Variants in ZFAND3 observed in about 807,000 individuals in gnomAD.
ZFAND3 encodes zinc finger AN1-type containing 3, also known as AN1-type zinc finger protein 3.
Under a neutral mutation model 29.6 loss-of-function variants are expected in ZFAND3, and 10 were observed. The observed-to-expected ratio is 0.34, with a 90% CI of 0.21 to 0.57. The LOEUF is 0.57. Ranked by LOEUF, ZFAND3 falls within the 20% of genes least tolerant of loss-of-function variation. The probability of loss-of-function intolerance (pLI) is 0.86; values close to 1 mark genes in which losing one functional copy is unlikely to be tolerated. For missense variants in ZFAND3, 230 were observed against 304.5 expected (o/e 0.76, Z 1.82); for synonymous variants, 128 against 112.6 (o/e 1.14, Z -0.87).
intron 2 of ZFAND3, among the ~76,000 whole-genome samples, chr6:37,987,043 A>G (rs942766588): frequency 6.6e-6 from 1 of 152,238 alleles, no homozygotes; most frequent in African/African-American, 2.4e-5. Flanking sequence ...GAGAATTAAT[A>G]GCCTTGAAAA....
intron 1 of ZFAND3, among the ~76,000 whole-genome samples, chr6:37,909,470 G>A (rs1765480450): frequency 6.6e-6 from 1 of 151,614 alleles, no homozygotes; most frequent in African/African-American, 2.4e-5. Context: ...AGTAGAGTCG[G>A]GGTTTTGCCA....
At position 38,111,313 on chromosome 6, in the gene ZFAND3, G is replaced by T. The variant is rs771071443; in HGVS notation, c.362-5259G>T. Among the ~76,000 whole-genome samples the T allele has an allele frequency of 6.6e-5, 10 of 152,254 alleles. No individual in the cohort carries two copies. The East Asian group carries it at 1.5e-3, about 23-fold the overall frequency. On this transcript the variant is annotated intron_variant, in intron 4 of 5. Transcript: ENST00000287218. ...TTGGGAAAAAATGGATGATTGTGTCGTACTGAACATGTAGTTTTTTTGTCA... is the reference window on the plus strand; with the variant it reads ...TTGGGAAAAAATGGATGATTGTGTCTTACTGAACATGTAGTTTTTTTGTCA...
At position 37,819,994 on chromosome 6, in the gene ZFAND3, C is replaced by G; in HGVS notation, c.49C>G (p.Arg17Gly). ...CAGCAAAGCGCCCAGCCTGCCGCCT[C>G]GCTGTCCCTGCGGCTTCTGGGGGTA... ...ERSKAPSLPPRCPCGFWGSSK... is the reference protein window; with the variant it reads ...ERSKAPSLPPGCPCGFWGSSK... Residue 17 changes from arginine to glycine, a missense_variant, in exon 1 of 6, where the codon CGC (arginine) becomes GGC (glycine). Arg to Gly is a moderately radical substitution (Grantham distance 125). Transcript: ENST00000287218. 1 of 1,220,864 alleles carries G rather than the reference C, an allele frequency of 8.2e-7. No individual in the cohort carries two copies. Among genetic ancestry groups the G allele is most frequent in the Non-Finnish European group, 1.0e-6 (1 of 980,810 alleles). 75.6% of individuals were successfully genotyped at this position (1,220,864 alleles called of 1,614,324 possible). A position where few individuals can be genotyped will look rare whatever the true frequency, so the allele number is the denominator to read the frequency against.
intron 4 of ZFAND3, among the ~76,000 whole-genome samples, chr6:38,089,972 GC>G (rs1764831475): frequency 6.6e-6 from 1 of 152,118 alleles, no homozygotes; most frequent in African/African-American, 2.4e-5. Flanking sequence ...TCCTGCCTCA[GC>G]CTCCTGAGTA....
chr6:37,868,808 A>C (rs1001709681), intron 1 of ZFAND3, among the ~76,000 whole-genome samples: 8 of 152,200 alleles, frequency 5.3e-5, no homozygotes, highest in African/African-American at 1.9e-4. Context: ...ATACGTGCTC[A>C]TGTTTTCTTT....
At chr6:37,945,070 GT>G (rs2127418473) in intron 2 of ZFAND3, among the ~76,000 whole-genome samples, 1 of 152,314 alleles carries the variant, frequency 6.6e-6, no homozygotes, top group South Asian at 2.1e-4. Flanking sequence ...ATTGGTGGGT[GT>G]GATTTAGTAT....
At position 38,154,130 on chromosome 6, in the gene ZFAND3, C is replaced by G. The variant is rs1425137696; in HGVS notation, c.*1741C>G. On this transcript the variant is annotated 3_prime_UTR_variant, in exon 6 of 6. Coordinates refer to ENST00000287218, the MANE Select transcript of ZFAND3 (RefSeq NM_021943.3). ...ACCCAGGGCAGAGGGGCCAGGTCTG[C>G]CCAGCGTTTACCACTGCTGTCAAGC... 27 of 985,472 alleles carry G rather than the reference C, an allele frequency of 2.7e-5. No individual in the cohort carries two copies. Among genetic ancestry groups the G allele is most frequent in the African/African-American group, 3.5e-5 (2 of 57,266 alleles). 61.0% of individuals were successfully genotyped at this position (985,472 alleles called of 1,614,324 possible). A position where few individuals can be genotyped will look rare whatever the true frequency, so the allele number is the denominator to read the frequency against.
At chr6:38,039,686 A>G (rs1391864468) in intron 2 of ZFAND3, among the ~76,000 whole-genome samples, 1 of 152,230 alleles carries the variant, frequency 6.6e-6, no homozygotes, top group African/African-American at 2.4e-5. Flanking sequence ...AAGTATAAGT[A>G]TGTGGTCTAC....
At chr6:38,118,162 A>G (rs1765457856) in intron 5 of ZFAND3, among the ~76,000 whole-genome samples, 1 of 152,200 alleles carries the variant, frequency 6.6e-6, no homozygotes, top group South Asian at 2.1e-4. Context: ...GTGTTCATGC[A>G]CGCAGTATGG....
At chr6:37,891,963 AG>A (rs1765113554) in intron 1 of ZFAND3, among the ~76,000 whole-genome samples, 1 of 152,122 alleles carries the variant, frequency 6.6e-6, no homozygotes, top group Admixed American at 6.6e-5. Flanking sequence ...CCCTGAACTC[AG>A]GCAATCCACT....
At chr6:37,985,489 G>A (rs1001686767) in intron 2 of ZFAND3, among the ~76,000 whole-genome samples, 1 of 127,194 alleles carries the variant, frequency 7.9e-6, no homozygotes, top group Non-Finnish European at 1.6e-5. Flanking sequence ...GGTGGCACGT[G>A]CTTGTGGTTC....
chr6:38,092,938 C>T (rs1163420790), intron 4 of ZFAND3, among the ~76,000 whole-genome samples: 1 of 152,166 alleles, frequency 6.6e-6, no homozygotes, highest in East Asian at 1.9e-4. Context: ...TATCAGGAGA[C>T]TTCCTACTGT....
At chr6:38,123,715 C>T (rs1402309301) in intron 5 of ZFAND3, among the ~76,000 whole-genome samples, 1 of 152,068 alleles carries the variant, frequency 6.6e-6, no homozygotes, top group African/African-American at 2.4e-5. Context: ...GCTGCGGACC[C>T]TTGCGGTGAG....
chr6:38,125,758 G>A (rs897848676), intron 5 of ZFAND3, among the ~76,000 whole-genome samples: 5 of 152,022 alleles, frequency 3.3e-5, no homozygotes, highest in Non-Finnish European at 7.4e-5. Context: ...AATTATTAGT[G>A]TCTTTTATTT....
chr6:38,018,709 C>A (rs1763293536), intron 2 of ZFAND3, among the ~76,000 whole-genome samples: 1 of 152,092 alleles, frequency 6.6e-6, no homozygotes, highest in South Asian at 2.1e-4. Flanking sequence ...ATTTAGATTA[C>A]CCCCTCCTAG....
intron 1 of ZFAND3, among the ~76,000 whole-genome samples, chr6:37,915,969 A>G (rs925490965): frequency 6.6e-6 from 1 of 151,752 alleles, no homozygotes; most frequent in Non-Finnish European, 1.5e-5. Context: ...GGGTTTCACC[A>G]TGTTGGTCAG....
In ZFAND3 at chr6:37,820,531, T is replaced by TATTC. The variant is rs1205661940; in HGVS notation, c.71+517_71+520dup. 3.9e-5 allele frequency among the ~76,000 whole-genome samples: 6 copies of TATTC among 152,226 alleles called. No homozygotes were observed. The East Asian group carries it at 7.7e-4, about 20-fold the overall frequency. Reference sequence around the variant, plus strand: ...AGTGCCCCATTTGCTTTTAGGAAGCTATTCACACGTCACCCGTTTGTAAAA... The same window carrying TATTC: ...AGTGCCCCATTTGCTTTTAGGAAGCTATTCATTCACACGTCACCCGTTTGTAAAA... On this transcript the variant is annotated intron_variant, in intron 1 of 5. Coordinates refer to ENST00000287218, the MANE Select transcript of ZFAND3 (RefSeq NM_021943.3).
chr6:37,957,180 T>A (rs1446606497), intron 2 of ZFAND3, among the ~76,000 whole-genome samples: 2 of 152,208 alleles, frequency 1.3e-5, no homozygotes, highest in Non-Finnish European at 2.9e-5. Flanking sequence ...GTTCCCCCCC[T>A]TTCTTCCTCT....
intron 1 of ZFAND3, among the ~76,000 whole-genome samples, chr6:37,881,004 A>C (rs1287759076): frequency 2.3e-5 from 3 of 128,370 alleles, no homozygotes; most frequent in Non-Finnish European, 4.7e-5. Context: ...TAAAACTTAG[A>C]GTATAAAAAA....
Sources: gnomAD v4.1 joint callset for allele counts (sites outside exome capture counted in the v4.1 genomes callset) on GRCh38, gnomAD v4.1.1 for gene constraint, MANE v1.5 for transcripts, NCBI Gene and HGNC (gene_info 2026-07-23, HGNC 2026-07-21) for gene names.